Variants in CHIA observed in about 807,000 individuals in gnomAD.
CHIA encodes the protein acidic mammalian chitinase.
In CHIA, 47 loss-of-function variants were observed where a neutral mutation model predicts 53.5. The ratio of observed to expected loss-of-function variants is 0.88; its 90% confidence interval spans 0.70 to 1.12. CHIA has a LOEUF of 1.12. Among genes scored for constraint, CHIA ranks in the 50% most tolerant of loss-of-function variants. The pLI is 0.00. For synonymous variants in CHIA, 268 were observed against 222.2 expected (o/e 1.21, Z -1.83); for missense variants, 652 against 592.2 (o/e 1.10, Z -1.05).
chr1:111,317,648 A>C (rs977217598), intron 6 of CHIA, 33 bp from the exon 7 acceptor site: 1 of 1,613,314 alleles, frequency 6.2e-7, no homozygotes, highest in Non-Finnish European at 8.5e-7. Flanking sequence ...AATCAGCATC[A>C]TAGATGTCCT....
intron 1 of CHIA, among the ~76,000 whole-genome samples, chr1:111,301,481 C>T (rs28805711): frequency 0.28 from 42,183 of 151,612 alleles, 6,129 homozygotes; most frequent in East Asian, 0.36. Context: ...GGGCAGATCA[C>T]GAGGTCAGGA....
At chr1:111,301,298 C>G (rs1000788839) in intron 1 of CHIA, among the ~76,000 whole-genome samples, 1 of 152,114 alleles carries the variant, frequency 6.6e-6, no homozygotes, top group Non-Finnish European at 1.5e-5. Flanking sequence ...TATTGCGGCA[C>G]TATTCACAAT....
chr1:111,297,922 A>AAAAG (rs1557732952), intron 1 of CHIA, among the ~76,000 whole-genome samples: 1 of 125,454 alleles, frequency 8.0e-6, no homozygotes, highest in Non-Finnish European at 1.7e-5. Context: ...AAAAAAAAAA[A>AAAAG]AAACAAGCAG....
In CHIA at chr1:111,318,694, T is replaced by C. The variant is rs763744807; in HGVS notation, c.915+16T>C. ...TTACTACGAGGTATGTAGATTGGAC[T>C]GAAAAGTGCTCTGTGAATTCCGTGC... On this transcript the variant is annotated intron_variant, in intron 9 of 11. Coordinates refer to ENST00000369740, the MANE Select transcript of CHIA (RefSeq NM_201653.4). 1.9e-6 allele frequency: 3 copies of C among 1,604,854 alleles called. No homozygotes were observed. Among genetic ancestry groups the C allele is most frequent in the African/African-American group, 1.3e-5 (1 of 74,682 alleles).
intron 4 of CHIA, among the ~76,000 whole-genome samples, chr1:111,313,301 T>A (rs1648835460): frequency 6.6e-6 from 1 of 152,190 alleles, no homozygotes; most frequent in Non-Finnish European, 1.5e-5. Context: ...TTTTTCCATG[T>A]CTTTTCCAAC....
intron 1 of CHIA, among the ~76,000 whole-genome samples, chr1:111,298,794 C>A (rs1647436167): frequency 6.6e-6 from 1 of 151,970 alleles, no homozygotes; most frequent in African/African-American, 2.4e-5. Context: ...TCAGTGAATC[C>A]AAGAGATGCT....
At position 111,317,799 on chromosome 1, in the gene CHIA, T is replaced by C. The variant is rs1299323993; in HGVS notation, c.599T>C (p.Leu200Pro). The C allele has an allele frequency of 1.2e-6, 2 of 1,613,558 alleles. No homozygotes were observed. The highest frequency in any genetic ancestry group is 1.7e-6 in the Non-Finnish European group (2 of 1,180,016). Reference sequence around the variant, plus strand: ...CAGTCTGGCTATGAGATCCCCCAACTGTCACAGTGAGTGATGTGCCTTATC... The same window carrying C: ...CAGTCTGGCTATGAGATCCCCCAACCGTCACAGTGAGTGATGTGCCTTATC... ...NIQSGYEIPQ[L>P]SQYLDYIHVM... The change falls in exon 7 of 12, where the codon CTG (leucine) becomes CCG (proline). Residue 200 changes from leucine (L) to proline (P), a missense_variant. By Grantham distance (98) the Leu-to-Pro change is moderately conservative (BLOSUM62 -3). Transcript: ENST00000369740.
chr1:111,298,901 G>A (rs976403061), intron 1 of CHIA, among the ~76,000 whole-genome samples: 43 of 151,902 alleles, frequency 2.8e-4, no homozygotes, highest in Non-Finnish European at 4.9e-4. Flanking sequence ...AATGATAAAG[G>A]GGATATCACC....
chr1:111,318,634 G>A lies in CHIA; in HGVS notation c.871G>A (p.Ala291Thr), dbSNP rs549528699. The change falls in exon 9 of 12, where the codon GCT becomes ACT. Residue 291 changes from alanine (A) to threonine (T), a missense_variant. Coordinates refer to ENST00000369740, the MANE Select transcript of CHIA (RefSeq NM_201653.4). ...TGCCCCCACCTCTGGTGCTGGTCCT[G>A]CTGGGCCCTATGCCAAGGAGTCTGG... is the stretch of plus-strand genomic sequence containing the variant. ...IGAPTSGAGP[A>T]GPYAKESGIW... 2.5e-6 allele frequency: 4 copies of A among 1,614,196 alleles called. No homozygotes were observed. The highest frequency in any genetic ancestry group is 3.4e-6 in the Non-Finnish European group (4 of 1,180,014).
chr1:111,317,595 C>T, intron 6 of CHIA, 86 bp from the exon 7 acceptor site: 23 of 1,446,288 alleles, frequency 1.6e-5, no homozygotes, highest in Non-Finnish European at 2.1e-5. Flanking sequence ...GAGAGAGAAG[C>T]ATTATACAGA....
intron 1 of CHIA, among the ~76,000 whole-genome samples, chr1:111,291,832 G>T (rs970033149): frequency 7.3e-5 from 4 of 54,886 alleles, no homozygotes; most frequent in Non-Finnish European, 9.3e-5. Flanking sequence ...GGGCCTGTCG[G>T]GGGGGGGTGG....
chr1:111,314,418 A>G (rs1571296922), intron 4 of CHIA, 122 bp from the exon 5 acceptor site: 1 of 634,110 alleles, frequency 1.6e-6, no homozygotes, highest in East Asian at 2.9e-5. Context: ...GTAGGGGAGG[A>G]AAATTGTTCT....
intron 1 of CHIA, among the ~76,000 whole-genome samples, chr1:111,309,037 C>T (rs543056356): frequency 1.3e-5 from 2 of 151,986 alleles, no homozygotes; most frequent in African/African-American, 4.8e-5. Context: ...GGGGGTGGCA[C>T]GAGGGAAAGC....
chr1:111,314,151 A>G lies in CHIA; in HGVS notation c.258-389A>G, dbSNP rs776925683. 3.9e-5 allele frequency among the ~76,000 whole-genome samples: 6 copies of G among 152,236 alleles called. No homozygotes were observed. In the South Asian group the frequency reaches 8.3e-4, roughly 21 times the overall value. ...GGAATCTCTATTCAAGAGAATGTGT[A>G]TAATTTCAAGCCAATTAATTTATTT... On this transcript the variant is annotated intron_variant, in intron 4 of 11. Transcript: ENST00000369740.
intron 1 of CHIA, among the ~76,000 whole-genome samples, chr1:111,292,443 T>C (rs1571255600): frequency 6.6e-6 from 1 of 152,368 alleles, no homozygotes; most frequent in South Asian, 2.1e-4. Context: ...GAATGCTCTC[T>C]GCAATTGACT....
At chr1:111,315,843 G>C in intron 6 of CHIA, 2 of 448,862 alleles carry the variant, frequency 4.5e-6, no homozygotes, top group Non-Finnish European at 8.9e-6. Context: ...TTGCTTCTAA[G>C]CATTACACTA....
rs1649062948 is a variant in CHIA, at chr1:111,315,309, T to G, written c.354T>G (p.Thr118=). The change falls in exon 6 of 12, where the codon ACT becomes ACG. Residue 118 remains threonine, a synonymous_variant. Coordinates refer to ENST00000369740, the MANE Select transcript of CHIA (RefSeq NM_201653.4). ...AMVSTPENRQ[T]FITSVIKFLR... ...TTTCTACTCCTGAGAACCGCCAGACTTTCATCACCTCAGTCATCAAATTCC... is the reference window on the plus strand; with the variant it reads ...TTTCTACTCCTGAGAACCGCCAGACGTTCATCACCTCAGTCATCAAATTCC... The G allele has an allele frequency of 3.1e-6, 5 of 1,613,164 alleles. No homozygotes were observed. Among genetic ancestry groups the G allele is most frequent in the Non-Finnish European group, 4.2e-6 (5 of 1,179,952 alleles).
At chr1:111,294,742 G>A (rs1661237045) in intron 1 of CHIA, among the ~76,000 whole-genome samples, 4 of 152,122 alleles carry the variant, frequency 2.6e-5, no homozygotes, top group Admixed American at 2.6e-4. Context: ...TTTTTATTAT[G>A]AGAGGGTATT....
intron 1 of CHIA, among the ~76,000 whole-genome samples, chr1:111,291,822 G>A (rs1308408686): frequency 7.8e-6 from 1 of 127,894 alleles, no homozygotes; most frequent in African/African-American, 2.7e-5. Flanking sequence ...ACACACACTG[G>A]GGCCTGTCGG....
Sources: gnomAD v4.1 joint callset for allele counts (sites outside exome capture counted in the v4.1 genomes callset) on GRCh38, gnomAD v4.1.1 for gene constraint, MANE v1.5 for transcripts, NCBI Gene and HGNC (gene_info 2026-07-23, HGNC 2026-07-21) for gene names.